The following GABRG3 variants were observed in gnomAD, a reference collection of about 807,000 sequenced individuals.
GABRG3 encodes gamma-aminobutyric acid receptor subunit gamma-3.
A neutral mutation model predicts 48.8 loss-of-function variants in GABRG3; 25 were observed. The ratio of observed to expected loss-of-function variants is 0.51; its 90% CI spans 0.37 to 0.72. The LOEUF is 0.72. GABRG3 is among the 30% of genes least tolerant of loss of function. The probability of loss-of-function intolerance (pLI) is 0.00; values close to 1 mark genes in which losing one functional copy is unlikely to be tolerated. For missense variants in GABRG3, 394 were observed against 577.9 expected (o/e 0.68, Z 3.26); for synonymous variants, 227 against 217.6 (o/e 1.04, Z -0.38).
chr15:27,384,585 A>G (rs887507265), intron 5 of GABRG3, among the ~76,000 whole-genome samples: 1 of 152,238 alleles, frequency 6.6e-6, no homozygotes, highest in African/African-American at 2.4e-5. Flanking sequence ...AATTATGAAT[A>G]TTAGAGAATC....
chr15:27,435,000 A>G (rs1888566504), intron 5 of GABRG3, among the ~76,000 whole-genome samples: 1 of 152,050 alleles, frequency 6.6e-6, no homozygotes. Flanking sequence ...TGTTCACGCA[A>G]CATGCCAAGC....
intron 3 of GABRG3, among the ~76,000 whole-genome samples, chr15:27,102,057 TAC>T (rs1897370611): frequency 6.6e-6 from 1 of 151,850 alleles, no homozygotes; most frequent in African/African-American, 2.4e-5. Context: ...CCGGCCTCTC[TAC>T]GTCCATGTGA....
At chr15:27,264,814 C>T (rs1035108860) in intron 3 of GABRG3, among the ~76,000 whole-genome samples, 4 of 151,990 alleles carry the variant, frequency 2.6e-5, no homozygotes, top group African/African-American at 9.7e-5. Flanking sequence ...CCTTTTATAT[C>T]GTCTCTCCCT....
intron 2 of GABRG3, among the ~76,000 whole-genome samples, chr15:27,013,005 A>C (rs1252335080): frequency 1.3e-5 from 2 of 152,172 alleles, no homozygotes; most frequent in Non-Finnish European, 2.9e-5. Context: ...GAAATGTTTG[A>C]ACTGTAAGAA....
rs140187340 is a variant in GABRG3 at position 27,412,657 on chromosome 15, A to T, written c.575-67993A>T. ...GCAGCTCTCACACGCTTGAACGTGG[A>T]AGAGGCAGCGTGGTCTTAGACCTTT... On this transcript the variant is annotated intron_variant, in intron 5 of 9. Transcript: ENST00000615808. 1.2e-3 allele frequency among the ~76,000 whole-genome samples: 190 copies of T among 152,326 alleles called. 7 individuals carry two copies. In the East Asian group the frequency reaches 0.032, roughly 25 times the overall value.
intron 5 of GABRG3, among the ~76,000 whole-genome samples, chr15:27,337,370 G>A (rs1464908501): frequency 1.3e-5 from 2 of 152,162 alleles, no homozygotes; most frequent in African/African-American, 4.8e-5. Context: ...ATTCAATACA[G>A]TCTATACAGA....
intron 5 of GABRG3, among the ~76,000 whole-genome samples, chr15:27,355,397 T>C (rs1595700138): frequency 6.6e-6 from 1 of 152,194 alleles, no homozygotes; most frequent in Non-Finnish European, 1.5e-5. Flanking sequence ...CCATAGGTCA[T>C]GAGGGAAATG....
intron 3 of GABRG3, among the ~76,000 whole-genome samples, chr15:27,306,636 A>G (rs186761982): frequency 0.039 from 3,426 of 88,052 alleles, 433 homozygotes; most frequent in African/African-American, 0.17. Flanking sequence ...ATAAACATAT[A>G]TTTATATATA....
chr15:27,454,404 G>A (rs996422156), intron 5 of GABRG3, among the ~76,000 whole-genome samples: 5 of 152,150 alleles, frequency 3.3e-5, no homozygotes, highest in Admixed American at 3.3e-4. Flanking sequence ...CTACATGCAG[G>A]AAAGTTGAGT....
intron 3 of GABRG3, among the ~76,000 whole-genome samples, chr15:27,325,266 C>T (rs1012321834): frequency 2.0e-5 from 3 of 152,144 alleles, no homozygotes; most frequent in African/African-American, 7.2e-5. Flanking sequence ...GAGAGGCATG[C>T]CAAGTTTCGG....
Position 26,977,642 on chromosome 15 carries a change from A to C in GABRG3, c.202+492A>C, listed in dbSNP as rs1037949420. Among the ~76,000 whole-genome samples, 3 of 152,176 alleles carry C rather than the reference A, an allele frequency of 2.0e-5. No individual in the cohort carries two copies. The East Asian group carries it at 5.8e-4, about 29-fold the overall frequency. ...TTTTGAGATTCATTCAAGTTGTTAC[A>C]TGTGTCAGTAGTTTGTTCTTTTTTA... is the stretch of plus-strand genomic sequence containing the variant. On this transcript the variant is annotated intron_variant, in intron 2 of 9. Transcript: ENST00000615808.
At chr15:27,311,362 G>A (rs1892986332) in intron 3 of GABRG3, among the ~76,000 whole-genome samples, 1 of 152,134 alleles carries the variant, frequency 6.6e-6, no homozygotes, top group Non-Finnish European at 1.5e-5. Flanking sequence ...TCCTTGGGGA[G>A]GGAAAAAGAT....
At chr15:27,393,091 A>G (rs1180677281) in intron 5 of GABRG3, among the ~76,000 whole-genome samples, 1 of 152,152 alleles carries the variant, frequency 6.6e-6, no homozygotes, top group Non-Finnish European at 1.5e-5. Flanking sequence ...CATGCCTGTA[A>G]TCCGAGCACT....
At chr15:27,306,526 A>G (rs1418154274) in intron 3 of GABRG3, among the ~76,000 whole-genome samples, 1 of 134,748 alleles carries the variant, frequency 7.4e-6, no homozygotes, top group Non-Finnish European at 1.5e-5. Flanking sequence ...CATATATAAT[A>G]TAAACATAAA....
At chr15:27,382,043 A>G (rs971438831) in intron 5 of GABRG3, among the ~76,000 whole-genome samples, 57 of 152,166 alleles carry the variant, frequency 3.7e-4, no homozygotes, top group African/African-American at 1.3e-3. Context: ...TTGCTTCCAA[A>G]TTCTGTGATT....
chr15:27,530,836 G>A, intron 9 of GABRG3: 1 of 380,722 alleles, frequency 2.6e-6, no homozygotes. Context: ...GCAACGAGTG[G>A]ATGAATGTCT....
intron 3 of GABRG3, among the ~76,000 whole-genome samples, chr15:27,089,703 G>A (rs2140753605): frequency 6.6e-6 from 1 of 152,276 alleles, no homozygotes; most frequent in Non-Finnish European, 1.5e-5. Context: ...GCGAAGGGAG[G>A]ACATCTTGCC....
Position 27,248,268 on chromosome 15 carries a change from C to T in GABRG3, c.271-78541C>T, listed in dbSNP as rs952363212. Reference sequence around the variant, plus strand: ...TGCTTTCAAAAGGACCTCGCGCCCTCCTAGGAGCAGGTGCCCTGGAAGGGG... The same window carrying T: ...TGCTTTCAAAAGGACCTCGCGCCCTTCTAGGAGCAGGTGCCCTGGAAGGGG... On this transcript the variant is annotated intron_variant, in intron 3 of 9. Transcript: ENST00000615808. Among the ~76,000 whole-genome samples, 3 of 152,200 alleles carry T rather than the reference C, an allele frequency of 2.0e-5. No homozygotes were observed. In the East Asian group the frequency reaches 5.8e-4, roughly 29 times the overall value.
intron 6 of GABRG3, among the ~76,000 whole-genome samples, chr15:27,514,081 A>G (rs866709818): frequency 1.3e-5 from 2 of 152,358 alleles, no homozygotes; most frequent in South Asian, 4.1e-4. Flanking sequence ...AAATACCAAC[A>G]GTGTTTATGA....
Sources: gnomAD v4.1 joint callset for allele counts (sites outside exome capture counted in the v4.1 genomes callset) on GRCh38, gnomAD v4.1.1 for gene constraint, MANE v1.5 for transcripts, NCBI Gene and HGNC (gene_info 2026-07-23, HGNC 2026-07-21) for gene names.